Variants in EDNRA observed in about 807,000 individuals in gnomAD.
EDNRA encodes endothelin-1 receptor.
Under a neutral mutation model 41.4 loss-of-function variants are expected in EDNRA, and 11 were observed. The observed-to-expected ratio is 0.27, with a 90% CI of 0.17 to 0.44. The LOEUF (loss-of-function observed/expected upper bound fraction) is 0.44. EDNRA is among the 20% of genes least tolerant of loss of function. EDNRA has a pLI of 1.00. For missense variants in EDNRA, 294 were observed against 531.0 expected, an observed-to-expected ratio of 0.55 and a Z score of 4.39; for synonymous variants, 172 against 183.0, an observed-to-expected ratio of 0.94 and a Z score of 0.49.
chr4:147,525,760 G>T (rs1730519674), intron 3 of EDNRA, among the ~76,000 whole-genome samples: 1 of 152,152 alleles, frequency 6.6e-6, no homozygotes, highest in South Asian at 2.1e-4. Flanking sequence ...GCTATAAAAA[G>T]ATAAAACTCT....
At chr4:147,505,727 C>T (rs1729687610) in intron 2 of EDNRA, among the ~76,000 whole-genome samples, 1 of 145,034 alleles carries the variant, frequency 6.9e-6, no homozygotes, top group Non-Finnish European at 1.5e-5. Flanking sequence ...CGGCTCACTG[C>T]AAGCTCCGCC....
At chr4:147,500,318 A>G (rs1034189180) in intron 2 of EDNRA, among the ~76,000 whole-genome samples, 1 of 152,230 alleles carries the variant, frequency 6.6e-6, no homozygotes, top group African/African-American at 2.4e-5. Flanking sequence ...GTGGGGGATA[A>G]GATAAGAAAT....
chr4:147,508,694 C>T (rs1729817068), intron 2 of EDNRA, among the ~76,000 whole-genome samples: 1 of 152,160 alleles, frequency 6.6e-6, no homozygotes, highest in East Asian at 1.9e-4. Flanking sequence ...AGTTTTTCAA[C>T]ACCATTCTTT....
At chr4:147,520,122 T>C (rs1730266648) in intron 3 of EDNRA, 144 bp downstream of exon 3, 3 of 1,126,162 alleles carry the variant, frequency 2.7e-6, no homozygotes, top group Non-Finnish European at 3.8e-6. Flanking sequence ...TTGCCTTTGC[T>C]GTTTAGAATT....
chr4:147,512,957 T>C (rs1388496819), intron 2 of EDNRA, among the ~76,000 whole-genome samples: 1 of 152,208 alleles, frequency 6.6e-6, no homozygotes. Flanking sequence ...TGCCAAGCCC[T>C]TCCTCTGGAT....
In EDNRA at chr4:147,493,160, G is replaced by C. The variant is rs573646960; in HGVS notation, c.420+7059G>C. ...GTTCCCCCATCAAAGAGTTCATTTA[G>C]CTCATAGGAAGAGTTTGCTATATTC... On this transcript the variant is annotated intron_variant, in intron 2 of 7. Coordinates refer to ENST00000651419, the MANE Select transcript of EDNRA (RefSeq NM_001957.4). The C allele has an allele frequency of 1.4e-3, 210 of 152,182 alleles. 1 individual carries two copies. Among genetic ancestry groups the C allele is most frequent in the African/African-American group, 4.9e-3 (203 of 41,518 alleles). The allele number at this position is 152,182 out of a possible 1,614,324, so 9.4% of individuals were successfully genotyped here.
Position 147,542,611 on chromosome 4 carries a change from T to C in EDNRA, c.1277T>C (p.Met426Thr). 1 of 1,613,982 alleles carries C rather than the reference T, an allele frequency of 6.2e-7. No homozygotes were observed. The highest frequency in any genetic ancestry group is 8.5e-7 in the Non-Finnish European group (1 of 1,179,976). Reference sequence around the variant, plus strand: ...GACCGGAGCAGCCATAAGGACAGCATGAACTGACCACCCTTAGAAGCACTC... The same window carrying C: ...GACCGGAGCAGCCATAAGGACAGCACGAACTGACCACCCTTAGAAGCACTC... ...NTDRSSHKDS[M>T]N The change falls in exon 8 of 8, where the codon ATG becomes ACG. Residue 426 changes from methionine (M) to threonine (T), a missense_variant. Physicochemically the swap from Met to Thr is moderately conservative, Grantham distance 81. This residue lies in a region of EDNRA where 19 missense variants were observed against 17.4 expected (regional missense o/e 1.09). Coordinates refer to ENST00000651419, the MANE Select transcript of EDNRA (RefSeq NM_001957.4).
chr4:147,489,743 C>G (rs1438953491), intron 2 of EDNRA: 3 of 152,036 alleles, frequency 2.0e-5, no homozygotes. Flanking sequence ...AATTGATCTC[C>G]CTATCTTCAG....
At position 147,515,481 on chromosome 4, in the gene EDNRA, A is replaced by G. The variant is rs571907652; in HGVS notation, c.421-4370A>G. 5.9e-5 allele frequency among the ~76,000 whole-genome samples: 9 copies of G among 152,258 alleles called. No homozygotes were observed. In the East Asian group the frequency reaches 1.7e-3, roughly 29 times the overall value. On this transcript the variant is annotated intron_variant, in intron 2 of 7. Transcript: ENST00000651419. ...CCAAAATCATTCTAATATACAGGCA[A>G]CACTGAGAACTATGCCTCTGGAGAG...
intron 2 of EDNRA, chr4:147,493,010 A>G (rs913534833): frequency 9.2e-5 from 14 of 152,160 alleles, no homozygotes; most frequent in African/African-American, 3.4e-4. Flanking sequence ...TTCCCGCGTC[A>G]GTGATGGGGG....
At position 147,535,925 on chromosome 4, in the gene EDNRA, A is replaced by G. The variant is rs906400370; in HGVS notation, c.796A>G (p.Met266Val). ...GTGGCTCTTCGGGTTCTATTTCTGT[A>G]TGCCCTTGGTGTGCACTGCGATCTT... ...DWWLFGFYFC[M>V]PLVCTAIFYT... Residue 266 changes from methionine (M) to valine (V), a missense_variant, in exon 5 of 8, where the codon ATG becomes GTG. By Grantham distance (21) the Met-to-Val change is conservative. This residue lies in a region of EDNRA where 185 missense variants were observed against 390.8 expected (regional missense o/e 0.47). Transcript: ENST00000651419. The G allele has an allele frequency of 5.0e-6, 8 of 1,611,828 alleles. No individual in the cohort carries two copies. The African/African-American group carries it at 1.1e-4, about 22-fold the overall frequency.
intron 2 of EDNRA, among the ~76,000 whole-genome samples, chr4:147,505,326 CAT>C (rs1729661507): frequency 1.2e-5 from 1 of 82,030 alleles, no homozygotes; most frequent in African/African-American, 5.4e-5. Context: ...TTTCTTTTTT[CAT>C]TTTTTTTTTT....
intron 5 of EDNRA, among the ~76,000 whole-genome samples, chr4:147,537,904 G>A (rs545447875): frequency 4.3e-4 from 58 of 136,464 alleles, no homozygotes; most frequent in African/African-American, 1.3e-3. Flanking sequence ...ATGGGACTGC[G>A]GGAGAAACAG....
intron 5 of EDNRA, among the ~76,000 whole-genome samples, chr4:147,536,588 A>G (rs1188562029): frequency 6.6e-6 from 1 of 152,210 alleles, no homozygotes; most frequent in Admixed American, 6.5e-5. Flanking sequence ...CAGGTGGAAG[A>G]ACAGGAGTCT....
intron 2 of EDNRA, among the ~76,000 whole-genome samples, chr4:147,503,799 G>C (rs1481121116): frequency 1.3e-5 from 2 of 152,052 alleles, no homozygotes; most frequent in Admixed American, 1.3e-4. Context: ...AAAAATCATT[G>C]AGGACACCAA....
At position 147,543,780 on chromosome 4, in the gene EDNRA, T is replaced by C. The variant is rs1468582312; in HGVS notation, c.*1162T>C. 2 of 152,568 alleles carry C rather than the reference T, an allele frequency of 1.3e-5. No homozygotes were observed. Among genetic ancestry groups the C allele is most frequent in the Admixed American group, 6.5e-5 (1 of 15,270 alleles). The allele number at this position is 152,568 out of a possible 1,614,324, so 9.5% of individuals were successfully genotyped here. A position where few individuals can be genotyped will look rare whatever the true frequency, so the allele number is the denominator to read the frequency against. The stretch of plus-strand genomic sequence containing the variant: ...TAATTTTGAAGTGGCCAGATGAGTT[T>C]ATCATGTCAGTGAAAAATAATTACC... On this transcript the variant is annotated 3_prime_UTR_variant, in exon 8 of 8. Coordinates refer to ENST00000651419, the MANE Select transcript of EDNRA (RefSeq NM_001957.4).
chr4:147,518,411 T>G (rs1224743137), intron 2 of EDNRA, among the ~76,000 whole-genome samples: 1 of 152,198 alleles, frequency 6.6e-6, no homozygotes, highest in African/African-American at 2.4e-5. Context: ...AGACTGTTTA[T>G]AGTGAGATGA....
At chr4:147,535,817 C>G in intron 4 of EDNRA, 60 bp from the exon 5 acceptor site, 3 of 1,588,232 alleles carry the variant, frequency 1.9e-6, no homozygotes, top group Non-Finnish European at 2.6e-6. Flanking sequence ...AGAGGCACAG[C>G]ATGGTTAATT....
chr4:147,520,031 C>A, intron 3 of EDNRA, 53 bp downstream of exon 3: 1 of 1,556,548 alleles, frequency 6.4e-7, no homozygotes, highest in Non-Finnish European at 8.7e-7. Flanking sequence ...AAGCATTTTT[C>A]TCAAAAAGAA....
Sources: allele counts gnomAD v4.1 joint callset (sites outside exome capture counted in the v4.1 genomes callset), GRCh38; gene constraint gnomAD v4.1.1; regional missense constraint gnomAD v4.1.1; transcripts MANE v1.5; gene names NCBI Gene and HGNC (gene_info 2026-07-23, HGNC 2026-07-21).